CLEC19A: variants seen among roughly 807,000 people sequenced by gnomAD.
The protein encoded by CLEC19A is C-type lectin domain family 19 member A.
CLEC19A carries 21 observed loss-of-function variants against 26.1 expected under a neutral mutation model. The observed-to-expected ratio is 0.80, with a 90% CI of 0.57 to 1.16. CLEC19A has a LOEUF of 1.16. Ranked by LOEUF, CLEC19A falls within the 50% of genes most tolerant of loss-of-function variation. The pLI is 0.00. For missense variants in CLEC19A, 224 were observed against 227.6 expected, an observed-to-expected ratio of 0.98 and a Z score of 0.10; for synonymous variants, 89 against 88.6, an observed-to-expected ratio of 1.00 and a Z score of -0.03.
At chr16:19,308,745 G>T (rs139371847) in intron 4 of CLEC19A, among the ~76,000 whole-genome samples, 2 of 152,262 alleles carry the variant, frequency 1.3e-5, no homozygotes, top group East Asian at 3.9e-4. Context: ...TTTCCTGGGA[G>T]CCCTCCTGGA....
chr16:19,294,119 T>A (rs542463800), intron 1 of CLEC19A, among the ~76,000 whole-genome samples: 1 of 151,626 alleles, frequency 6.6e-6, no homozygotes, highest in South Asian at 2.1e-4. Flanking sequence ...AACTTTTCTG[T>A]AAGTCTAAAT....
At chr16:19,300,157 G>T (rs998283505) in intron 2 of CLEC19A, among the ~76,000 whole-genome samples, 1 of 152,044 alleles carries the variant, frequency 6.6e-6, no homozygotes, top group East Asian at 1.9e-4. Context: ...CCAGGGGGCA[G>T]AAGTTGCATT....
Position 19,309,359 on chromosome 16 carries a change from A to C in CLEC19A, c.*276A>C. The C allele has an allele frequency of 2.9e-6, 1 of 340,874 alleles. No individual in the cohort carries two copies. The highest frequency in any genetic ancestry group is 3.1e-5 in the South Asian group (1 of 31,808). 21.1% of individuals were successfully genotyped at this position (340,874 alleles called of 1,614,324 possible). A position where few individuals can be genotyped will look rare whatever the true frequency, so the allele number is the denominator to read the frequency against. Reference sequence around the variant, plus strand: ...TTGTTCTGATTCAGAGTTGAATCTCACTGGCCTGGCTCGGGTCACGTGCCC... The same window carrying C: ...TTGTTCTGATTCAGAGTTGAATCTCCCTGGCCTGGCTCGGGTCACGTGCCC... On this transcript the variant is annotated 3_prime_UTR_variant, in exon 5 of 5. Transcript: ENST00000636231.
chr16:19,285,907 C>G lies in CLEC19A; in HGVS notation c.56C>G (p.Ala19Gly). 1.3e-6 allele frequency: 2 copies of G among 1,550,570 alleles called. No homozygotes were observed. The highest frequency in any genetic ancestry group is 1.7e-6 in the Non-Finnish European group (2 of 1,146,996). Residue 19 changes from alanine to glycine, a missense_variant, in exon 1 of 5, where the codon GCC (alanine) becomes GGC (glycine). By Grantham distance (60) the Ala-to-Gly change is moderately conservative (BLOSUM62 0). Transcript: ENST00000636231. Reference protein sequence around the residue: ...AAFLTLHSAQAFPQTDISISP... With the variant: ...AAFLTLHSAQGFPQTDISISP... ...TTCCTGACCCTCCACTCTGCACAGG[C>G]CTTTCCACAAACAGACATCAGTATC...
intron 3 of CLEC19A, chr16:19,304,413 A>G (rs942739741): frequency 2.9e-5 from 10 of 342,902 alleles, no homozygotes; most frequent in African/African-American, 1.9e-4. Context: ...AAAAAAAAAA[A>G]GACACTAGGC....
intron 1 of CLEC19A, among the ~76,000 whole-genome samples, chr16:19,287,150 G>A (rs539380580): frequency 1.5e-4 from 23 of 151,858 alleles, no homozygotes; most frequent in South Asian, 6.2e-4. Flanking sequence ...CTCAGGCTGC[G>A]AATATCACAG....
chr16:19,297,385 G>A lies in CLEC19A; in HGVS notation c.89-1288G>A, dbSNP rs185217611. Among the ~76,000 whole-genome samples the A allele has an allele frequency of 4.4e-4, 67 of 152,254 alleles. 1 individual carries two copies. Among genetic ancestry groups the A allele is most frequent in the Non-Finnish European group, 7.6e-4 (52 of 68,024 alleles). ...AGTGATAACACTGAGCTCTGGCAAG[G>A]GCAAAGTGAGATGGGCACTCTCAGA... On this transcript the variant is annotated intron_variant, in intron 1 of 4. Coordinates refer to ENST00000636231, the MANE Select transcript of CLEC19A (RefSeq NM_001256720.2).
At chr16:19,297,985 C>T (rs1047078299) in intron 1 of CLEC19A, among the ~76,000 whole-genome samples, 7 of 152,090 alleles carry the variant, frequency 4.6e-5, no homozygotes, top group African/African-American at 7.2e-5. Flanking sequence ...CGGTGGCTCA[C>T]GTCTTCTGTA....
At chr16:19,306,906 G>A (rs190922822) in intron 3 of CLEC19A, among the ~76,000 whole-genome samples, 56 of 152,216 alleles carry the variant, frequency 3.7e-4, no homozygotes, top group South Asian at 1.7e-3. Context: ...GTGCTTTGGG[G>A]GTACTTTTCT....
At chr16:19,290,397 C>T (rs1230051092) in intron 1 of CLEC19A, among the ~76,000 whole-genome samples, 2 of 151,438 alleles carry the variant, frequency 1.3e-5, no homozygotes, top group East Asian at 2.0e-4. Context: ...TTCTCAAGTT[C>T]CCGGCCATGC....
In CLEC19A at chr16:19,310,502, C is replaced by T. The variant is rs893299952; in HGVS notation, c.*1419C>T. 1 of 152,072 alleles carries T rather than the reference C, an allele frequency of 6.6e-6. No homozygotes were observed. The highest frequency in any genetic ancestry group is 2.4e-5 in the African/African-American group (1 of 41,374). 9.4% of individuals were successfully genotyped at this position (152,072 alleles called of 1,614,324 possible). A position where few individuals can be genotyped will look rare whatever the true frequency, so the allele number is the denominator to read the frequency against. ...CAAAAACAAAAAAATGTGATCACAG[C>T]AGCATTATTGATAAAAACCACAAAA... On this transcript the variant is annotated 3_prime_UTR_variant, in exon 5 of 5. Coordinates refer to ENST00000636231, the MANE Select transcript of CLEC19A (RefSeq NM_001256720.2).
At chr16:19,297,847 T>C (rs952560614) in intron 1 of CLEC19A, among the ~76,000 whole-genome samples, 2 of 152,308 alleles carry the variant, frequency 1.3e-5, no homozygotes, top group Middle Eastern at 3.4e-3. Flanking sequence ...GATGTGCACA[T>C]ATTATTTTTA....
chr16:19,286,422 G>T (rs759823620), intron 1 of CLEC19A, among the ~76,000 whole-genome samples: 1 of 152,176 alleles, frequency 6.6e-6, no homozygotes, highest in Non-Finnish European at 1.5e-5. Context: ...GGTTAGGTGC[G>T]CAGGGAGGGA....
At chr16:19,303,866 G>A in intron 2 of CLEC19A, 196 bp from the exon 3 acceptor site, 1 of 541,658 alleles carries the variant, frequency 1.8e-6, no homozygotes, top group Non-Finnish European at 3.3e-6. Flanking sequence ...CTTTGAACTG[G>A]CATAGGTCAA....
In CLEC19A at chr16:19,286,628, C is replaced by G. The variant is rs775687009; in HGVS notation, c.88+689C>G. On this transcript the variant is annotated intron_variant, in intron 1 of 4. Transcript: ENST00000636231. Reference sequence around the variant, plus strand: ...GGCTGGGTTACTGATTCTGGGGGACCCTCATCTGGATGAGAAGAGTTCTGA... The same window carrying G: ...GGCTGGGTTACTGATTCTGGGGGACGCTCATCTGGATGAGAAGAGTTCTGA... Among the ~76,000 whole-genome samples the G allele has an allele frequency of 3.3e-5, 5 of 152,162 alleles. No homozygotes were observed. In the East Asian group the frequency reaches 9.6e-4, roughly 29 times the overall value.
intron 2 of CLEC19A, among the ~76,000 whole-genome samples, chr16:19,301,290 G>T (rs1897814065): frequency 6.6e-6 from 1 of 152,178 alleles, no homozygotes; most frequent in African/African-American, 2.4e-5. Flanking sequence ...AGCTGTCAAG[G>T]ATTGGATAGA....
intron 1 of CLEC19A, among the ~76,000 whole-genome samples, chr16:19,293,612 G>A (rs1897638503): frequency 6.6e-6 from 1 of 151,976 alleles, no homozygotes; most frequent in Non-Finnish European, 1.5e-5. Context: ...ACAAGCACAT[G>A]CCACCACTCC....
chr16:19,293,290 T>G (rs1897628964), intron 1 of CLEC19A, among the ~76,000 whole-genome samples: 1 of 152,118 alleles, frequency 6.6e-6, no homozygotes, highest in Non-Finnish European at 1.5e-5. Context: ...CATCCTAAGT[T>G]GGATCTGAGC....
chr16:19,300,467 G>T (rs1174854743), intron 2 of CLEC19A, among the ~76,000 whole-genome samples: 1 of 151,404 alleles, frequency 6.6e-6, no homozygotes, highest in South Asian at 2.1e-4. Context: ...AGGATCACTT[G>T]AGCCCGAGAG....
Sources: gnomAD v4.1 joint callset for allele counts (sites outside exome capture counted in the v4.1 genomes callset) on GRCh38, gnomAD v4.1.1 for gene constraint, MANE v1.5 for transcripts, NCBI Gene and HGNC (gene_info 2026-07-23, HGNC 2026-07-21) for gene names.